RBM28: variants seen among roughly 807,000 people sequenced by gnomAD.
RBM28 encodes RNA binding motif protein 28.
In RBM28, 78 loss-of-function variants were observed where a neutral mutation model predicts 98.3. That is an observed-to-expected ratio of 0.79 (90% CI 0.66 to 0.96). The LOEUF (loss-of-function observed/expected upper bound fraction) is 0.96, where lower values mean the gene tolerates loss of function less well. RBM28 is among the 40% of genes least tolerant of loss of function. The probability of loss-of-function intolerance (pLI) is 0.00; values close to 1 mark genes in which losing one functional copy is unlikely to be tolerated. For synonymous variants in RBM28, 306 were observed against 330.9 expected (o/e 0.92, Z 0.82); for missense variants, 838 against 913.0 (o/e 0.92, Z 1.06).
chr7:128,328,885 A>G (rs973713104), intron 10 of RBM28, among the ~76,000 whole-genome samples: 80 of 152,164 alleles, frequency 5.3e-4, no homozygotes, highest in African/African-American at 1.8e-3. Context: ...CACCCAGTCT[A>G]TCTGTAGCAT....
intron 10 of RBM28, among the ~76,000 whole-genome samples, chr7:128,329,249 G>A (rs891729668): frequency 2.0e-5 from 3 of 152,168 alleles, no homozygotes; most frequent in Non-Finnish European, 2.9e-5. Flanking sequence ...ACAGGCATGC[G>A]CCACCACGCC....
At chr7:128,324,365 G>A (rs955686336) in intron 12 of RBM28, among the ~76,000 whole-genome samples, 194 bp downstream of exon 12, 6 of 152,220 alleles carry the variant, frequency 3.9e-5, no homozygotes, top group African/African-American at 1.4e-4. Flanking sequence ...TAATGGGACA[G>A]TTAATCCACA....
At chr7:128,338,521 G>A (rs906362329) in intron 4 of RBM28, among the ~76,000 whole-genome samples, 179 bp from the exon 5 acceptor site, 24 of 152,228 alleles carry the variant, frequency 1.6e-4, no homozygotes, top group African/African-American at 5.5e-4. Context: ...TGGACTTGGG[G>A]AGAGCAAAAC....
rs992836709 is a variant in RBM28, at chr7:128,335,630, C to T, written c.859G>A (p.Asp287Asn). 12 of 1,614,212 alleles carry T rather than the reference C, an allele frequency of 7.4e-6. No homozygotes were observed. Among genetic ancestry groups the T allele is most frequent in the African/African-American group, 1.3e-5 (1 of 75,062 alleles). The stretch of plus-strand genomic sequence containing the variant: ...CTATCGCTTTCCTCTAGGTCACTGT[C>T]CTCCTCAGAATGATCACTGCTTTTT... ...PAKSSDHSEE[D>N]SDLEESDSID... The change falls in exon 8 of 19, where the codon GAC (aspartate) becomes AAC (asparagine). Residue 287 changes from aspartate to asparagine, a missense_variant. By Grantham distance (23) the Asp-to-Asn change is conservative. Transcript: ENST00000223073.
rs572987436 is a variant in RBM28, at chr7:128,306,007, T to C, written c.*4790A>G. Reference sequence around the variant, plus strand: ...AATCACCAATCACTAAGCATTGCCATGTACCAGGCCCAGGGGCTGGGACTA... The same window carrying C: ...AATCACCAATCACTAAGCATTGCCACGTACCAGGCCCAGGGGCTGGGACTA... On this transcript the variant is annotated 3_prime_UTR_variant, in exon 19 of 19. Transcript: ENST00000223073. The C allele has an allele frequency of 6.6e-6, 1 of 152,376 alleles. No individual in the cohort carries two copies. Among genetic ancestry groups the C allele is most frequent in the Non-Finnish European group, 1.5e-5 (1 of 68,050 alleles). The allele number at this position is 152,376 out of a possible 1,614,324, so 9.4% of individuals were successfully genotyped here. A position where few individuals can be genotyped will look rare whatever the true frequency, so the allele number is the denominator to read the frequency against.
At position 128,300,063 on chromosome 7, in the gene RBM28, T is replaced by C. The variant is rs1795760401; in HGVS notation, c.*10734A>G. 1 of 152,262 alleles carries C rather than the reference T, an allele frequency of 6.6e-6. No homozygotes were observed. The highest frequency in any genetic ancestry group is 2.4e-5 in the African/African-American group (1 of 41,472). 9.4% of individuals were successfully genotyped at this position (152,262 alleles called of 1,614,324 possible). A position where few individuals can be genotyped will look rare whatever the true frequency, so the allele number is the denominator to read the frequency against. On this transcript the variant is annotated 3_prime_UTR_variant, in exon 19 of 19. Transcript: ENST00000223073. ...TTTCTGTTGTTTAAGCCACCCAGCCTGTGGTACTCTCTTACAGTAGCCCTC... is the reference window on the plus strand; with the variant it reads ...TTTCTGTTGTTTAAGCCACCCAGCCCGTGGTACTCTCTTACAGTAGCCCTC...
At position 128,306,162 on chromosome 7, in the gene RBM28, T is replaced by TA. The variant is rs1795864357; in HGVS notation, c.*4634dup. 6.6e-6 allele frequency: 1 copy of TA among 152,132 alleles called. No individual in the cohort carries two copies. Among genetic ancestry groups the TA allele is most frequent in the Non-Finnish European group, 1.5e-5 (1 of 68,046 alleles). The allele number at this position is 152,132 out of a possible 1,614,324, so 9.4% of individuals were successfully genotyped here. A position where few individuals can be genotyped will look rare whatever the true frequency, so the allele number is the denominator to read the frequency against. ...CCAATCAGCGAGTGTGCCGGGGACT[T>TA]AGAGGAAGGGGTCACAATGCCCTGG... is the stretch of plus-strand genomic sequence containing the variant. On this transcript the variant is annotated 3_prime_UTR_variant, in exon 19 of 19. Coordinates refer to ENST00000223073, the MANE Select transcript of RBM28 (RefSeq NM_018077.3).
chr7:128,336,080 T>C, intron 6 of RBM28, 38 bp from the exon 7 acceptor site: 1 of 1,549,668 alleles, frequency 6.5e-7, no homozygotes, highest in Non-Finnish European at 8.8e-7. Flanking sequence ...ATTCATTTAA[T>C]ATCCAAAACA....
chr7:128,342,021 T>G (rs1018624409), intron 1 of RBM28, among the ~76,000 whole-genome samples: 1 of 152,144 alleles, frequency 6.6e-6, no homozygotes, highest in African/African-American at 2.4e-5. Flanking sequence ...TGGCCAGGCA[T>G]GGTGAAGCAC....
At chr7:128,323,741 A>G (rs1023703437) in intron 12 of RBM28, 150 bp from the exon 13 acceptor site, 19 of 793,732 alleles carry the variant, frequency 2.4e-5, no homozygotes, top group Non-Finnish European at 2.1e-5. Flanking sequence ...AGGTCCAGAA[A>G]TAGGCTACAG....
At chr7:128,313,333 TTC>T (rs1796029011) in intron 17 of RBM28, 59 bp from the exon 18 acceptor site, 4 of 1,511,780 alleles carry the variant, frequency 2.6e-6, no homozygotes, top group African/African-American at 1.4e-5. Flanking sequence ...CACCCCTAGG[TTC>T]TCTTTGTACA....
At chr7:128,336,083 C>A (rs1405180540) in intron 6 of RBM28, 41 bp from the exon 7 acceptor site, 6 of 1,541,940 alleles carry the variant, frequency 3.9e-6, no homozygotes, top group Admixed American at 1.8e-5. Context: ...CATTTAATAT[C>A]CAAAACAATG....
intron 14 of RBM28, 44 bp downstream of exon 14, chr7:128,321,222 A>G (rs752153400): frequency 6.2e-7 from 1 of 1,611,202 alleles, no homozygotes; most frequent in Non-Finnish European, 8.5e-7. Flanking sequence ...GATCTGACCC[A>G]AGATCAGAAT....
At position 128,321,352 on chromosome 7, in the gene RBM28, T is replaced by G; in HGVS notation, c.1477A>C (p.Asn493His). 1 of 1,614,174 alleles carries G rather than the reference T, an allele frequency of 6.2e-7. No individual in the cohort carries two copies. Among genetic ancestry groups the G allele is most frequent in the Non-Finnish European group, 8.5e-7 (1 of 1,180,008 alleles). Residue 493 changes from asparagine (N) to histidine (H), a missense_variant, in exon 14 of 19, where the codon AAT becomes CAT. Physicochemically the swap from Asn to His is moderately conservative, Grantham distance 68. Coordinates refer to ENST00000223073, the MANE Select transcript of RBM28 (RefSeq NM_018077.3). Reference sequence around the variant, plus strand: ...TTGTCATCTACAGCCTTTGGGAGATTGTGCAGGCAGAGCCTGGTTCGGGAG... The same window carrying G: ...TTGTCATCTACAGCCTTTGGGAGATGGTGCAGGCAGAGCCTGGTTCGGGAG... ...FVSRTRLCLH[N>H]LPKAVDDKQL...
intron 1 of RBM28, among the ~76,000 whole-genome samples, chr7:128,340,137 C>T (rs1313268181): frequency 6.6e-6 from 1 of 152,084 alleles, no homozygotes; most frequent in Non-Finnish European, 1.5e-5. Context: ...AACAAAACAT[C>T]ACCAAAGAAG....
At chr7:128,320,528 T>G (rs983690180) in intron 14 of RBM28, among the ~76,000 whole-genome samples, 1 of 152,176 alleles carries the variant, frequency 6.6e-6, no homozygotes, top group Non-Finnish European at 1.5e-5. Flanking sequence ...GAACCCAGTG[T>G]TTTTCTAATT....
chr7:128,325,370 C>G (rs1258817917), intron 11 of RBM28, among the ~76,000 whole-genome samples: 2 of 152,202 alleles, frequency 1.3e-5, no homozygotes, highest in East Asian at 3.8e-4. Context: ...AGTACTTACT[C>G]AAGAGGACTT....
intron 14 of RBM28, among the ~76,000 whole-genome samples, chr7:128,318,715 T>C (rs2116333692): frequency 6.6e-6 from 1 of 152,238 alleles, no homozygotes; most frequent in Middle Eastern, 3.4e-3. Flanking sequence ...GGTATGGATG[T>C]TAAAAAACAA....
intron 17 of RBM28, 94 bp from the exon 18 acceptor site, chr7:128,313,368 T>C: frequency 8.2e-7 from 1 of 1,216,714 alleles, no homozygotes; most frequent in Non-Finnish European, 1.2e-6. Flanking sequence ...AAGCCCATGA[T>C]AAGTGAAGTC....
Sources: allele counts gnomAD v4.1 joint callset (sites outside exome capture counted in the v4.1 genomes callset), GRCh38; gene constraint gnomAD v4.1.1; transcripts MANE v1.5; gene names NCBI Gene and HGNC (gene_info 2026-07-23, HGNC 2026-07-21).